AK8: variants seen among roughly 807,000 people sequenced by gnomAD.
AK8 encodes the protein ATP-AMP transphosphorylase 8.
In AK8, 44 loss-of-function variants were observed where a neutral mutation model predicts 54.6. The ratio of observed to expected loss-of-function variants is 0.81; its 90% confidence interval spans 0.63 to 1.04. AK8 has a LOEUF of 1.04. Among genes scored for constraint, AK8 ranks in the 50% least tolerant of loss-of-function variants. The probability of loss-of-function intolerance (pLI) is 0.00; values close to 1 mark genes in which losing one functional copy is unlikely to be tolerated. For synonymous variants in AK8, 239 were observed against 245.6 expected, an observed-to-expected ratio of 0.97 and a Z score of 0.25; for missense variants, 555 against 613.6, an observed-to-expected ratio of 0.90 and a Z score of 1.01.
intron 10 of AK8, among the ~76,000 whole-genome samples, chr9:132,809,236 G>A (rs541012962): frequency 6.6e-6 from 1 of 152,164 alleles, no homozygotes; most frequent in African/African-American, 2.4e-5. Context: ...CTCCCCAAAG[G>A]TATATGGGAG....
At chr9:132,809,273 G>A (rs997810729) in intron 10 of AK8, among the ~76,000 whole-genome samples, 6 of 152,180 alleles carry the variant, frequency 3.9e-5, no homozygotes, top group African/African-American at 1.4e-4. Context: ...TCCTCTTCTG[G>A]AAGTTCTGAA....
chr9:132,766,964 A>C (rs1036837443), intron 11 of AK8, among the ~76,000 whole-genome samples: 15 of 152,360 alleles, frequency 9.8e-5, no homozygotes, highest in Admixed American at 6.5e-4. Context: ...ATCTCTCCTC[A>C]TAGACAAAAA....
At chr9:132,828,620 T>C in intron 6 of AK8, 25 bp downstream of exon 6, 1 of 1,600,964 alleles carries the variant, frequency 6.2e-7, no homozygotes. Context: ...CTCTGGCAGG[T>C]GGGGGACCCT....
chr9:132,854,817 T>C (rs1328456370), intron 5 of AK8, 40 bp downstream of exon 5: 3 of 1,609,264 alleles, frequency 1.9e-6, no homozygotes, highest in Non-Finnish European at 2.6e-6. Context: ...ACCCTCCCCT[T>C]TATCTTGGCA....
chr9:132,781,440 A>G lies in AK8; in HGVS notation c.1121+11194T>C, dbSNP rs534163948. 1.4e-4 allele frequency among the ~76,000 whole-genome samples: 21 copies of G among 152,298 alleles called. No homozygotes were observed. The South Asian group carries it at 4.1e-3, about 30-fold the overall frequency. On this transcript the variant is annotated intron_variant, in intron 11 of 12. Transcript: ENST00000298545. This position sits in a 1 kb window ranked among gnomAD's most constrained non-coding sequence, Gnocchi z 4.6. ...CTCTAAGAAGAGATTTATATTTGAC[A>G]AGGAGACAATAGCTTTGTTTTCTGA...
At chr9:132,801,373 ATT>A (rs1207712190) in intron 10 of AK8, among the ~76,000 whole-genome samples, 5 of 152,206 alleles carry the variant, frequency 3.3e-5, no homozygotes, top group African/African-American at 1.2e-4. Flanking sequence ...GTGCAGAATG[ATT>A]TGACAATTTT....
intron 11 of AK8, among the ~76,000 whole-genome samples, chr9:132,767,053 T>G (rs1051283239): frequency 3.9e-5 from 6 of 152,160 alleles, no homozygotes; most frequent in African/African-American, 1.4e-4. Context: ...AGGAAACACT[T>G]CAGGACATTG....
chr9:132,783,933 A>G (rs1315967900), intron 11 of AK8, among the ~76,000 whole-genome samples: 4 of 152,236 alleles, frequency 2.6e-5, no homozygotes, highest in Non-Finnish European at 4.4e-5. Context: ...CCAGCAGAAA[A>G]TCCGAATTAT....
intron 11 of AK8, among the ~76,000 whole-genome samples, chr9:132,788,657 A>T (rs1235832049): frequency 1.3e-5 from 2 of 152,210 alleles, no homozygotes; most frequent in Admixed American, 1.3e-4. Context: ...TTCTAAGAAG[A>T]GACCAATTGC....
At chr9:132,877,415 G>T (rs1844171207) in intron 1 of AK8, among the ~76,000 whole-genome samples, 1 of 152,138 alleles carries the variant, frequency 6.6e-6, no homozygotes, top group Non-Finnish European at 1.5e-5. Context: ...GGTGTACCCT[G>T]GGAAGCAGAC....
At chr9:132,807,795 A>G (rs1342179558) in intron 10 of AK8, among the ~76,000 whole-genome samples, 2 of 152,192 alleles carry the variant, frequency 1.3e-5, no homozygotes, top group Non-Finnish European at 2.9e-5. Context: ...TCGGGAAGCG[A>G]CATTCCAAGA....
chr9:132,792,922 G>T, intron 10 of AK8, 147 bp from the exon 11 acceptor site: 1 of 1,033,504 alleles, frequency 9.7e-7, no homozygotes, highest in Non-Finnish European at 1.3e-6. Context: ...GGTTGTCAGT[G>T]CCTATTTCCC....
intron 10 of AK8, among the ~76,000 whole-genome samples, chr9:132,804,191 G>A (rs1352364253): frequency 6.6e-6 from 1 of 151,926 alleles, no homozygotes; most frequent in Non-Finnish European, 1.5e-5. Flanking sequence ...TAGAAATGCA[G>A]GCAGCAGAGG....
intron 2 of AK8, among the ~76,000 whole-genome samples, chr9:132,871,684 C>G (rs999006027): frequency 1.3e-5 from 2 of 152,214 alleles, no homozygotes; most frequent in African/African-American, 4.8e-5. Context: ...AACAACAGAG[C>G]AGGTGCAGTG....
chr9:132,847,671 A>G lies in AK8; in HGVS notation c.402+7186T>C, dbSNP rs574486071. Among the ~76,000 whole-genome samples, 26 of 152,220 alleles carry G rather than the reference A, an allele frequency of 1.7e-4. No homozygotes were observed. In the South Asian group the frequency reaches 5.4e-3, roughly 32 times the overall value. On this transcript the variant is annotated intron_variant, in intron 5 of 12. Coordinates refer to ENST00000298545, the MANE Select transcript of AK8 (RefSeq NM_152572.3). Reference sequence around the variant, plus strand: ...AGTAGCTATCATGATGAAAAAGAGAAAACAGCTTAGCTTTAAAGATCAAAG... The same window carrying G: ...AGTAGCTATCATGATGAAAAAGAGAGAACAGCTTAGCTTTAAAGATCAAAG...
At chr9:132,800,063 G>A (rs1840370770) in intron 10 of AK8, among the ~76,000 whole-genome samples, 2 of 152,198 alleles carry the variant, frequency 1.3e-5, no homozygotes, top group South Asian at 4.1e-4. Context: ...AAGAAGCGGG[G>A]CTCGCATCCC....
intron 11 of AK8, among the ~76,000 whole-genome samples, chr9:132,753,664 G>A (rs1838053912): frequency 6.6e-6 from 1 of 152,218 alleles, no homozygotes; most frequent in African/African-American, 2.4e-5. Flanking sequence ...GGGTGGCCCA[G>A]CTGGGGCGGA....
At chr9:132,809,384 TCAC>T (rs755472204) in intron 10 of AK8, among the ~76,000 whole-genome samples, 24 of 152,200 alleles carry the variant, frequency 1.6e-4, no homozygotes, top group Admixed American at 4.6e-4. Flanking sequence ...ACTGTTCCCT[TCAC>T]CCTGTGGCCT....
At chr9:132,873,424 A>G (rs1352458800) in intron 2 of AK8, among the ~76,000 whole-genome samples, 1 of 151,784 alleles carries the variant, frequency 6.6e-6, no homozygotes, top group Non-Finnish European at 1.5e-5. Flanking sequence ...GGTCCCTGAC[A>G]GTGGGGAGGG....
Sources: allele counts gnomAD v4.1 joint callset (sites outside exome capture counted in the v4.1 genomes callset), GRCh38; gene constraint gnomAD v4.1.1; non-coding constraint Gnocchi (gnomAD v3.1); transcripts MANE v1.5; gene names NCBI Gene and HGNC (gene_info 2026-07-23, HGNC 2026-07-21).